Variants in ZAP70 observed in about 807,000 individuals in gnomAD.
ZAP70 encodes the protein zeta chain of T cell receptor associated protein kinase 70, also known as tyrosine-protein kinase ZAP-70.
In ZAP70, 27 loss-of-function variants were observed where a neutral mutation model predicts 65.8. The observed-to-expected ratio is 0.41, with a 90% CI of 0.30 to 0.57. The LOEUF (loss-of-function observed/expected upper bound fraction) is 0.57, where lower values mean the gene tolerates loss of function less well. ZAP70 is among the 20% of genes least tolerant of loss of function. ZAP70 has a pLI of 0.28. For synonymous variants in ZAP70, 363 were observed against 360.8 expected (o/e 1.01, Z -0.07); for missense variants, 696 against 870.5 (o/e 0.80, Z 2.52).
At chr2:97,747,170 CAT>C in the ZAP70 span, among the ~76,000 whole-genome samples, 1 of 152,198 alleles carries the variant, frequency 6.6e-6, no homozygotes, top group Non-Finnish European at 1.5e-5. Context: ...AAAATTTAAA[CAT>C]AGATTAACCA....
At chr2:97,752,685 C>T in the ZAP70 span, among the ~76,000 whole-genome samples, 1 of 152,238 alleles carries the variant, frequency 6.6e-6, no homozygotes, top group Non-Finnish European at 1.5e-5. Flanking sequence ...TGTTATCCAA[C>T]TTCTACAGGC....
At chr2:97,735,504 A>G in intron 10 of ZAP70, 48 bp downstream of exon 10, 1 of 1,580,486 alleles carries the variant, frequency 6.3e-7, no homozygotes. Context: ...GCCGGGGCCC[A>G]TCCTGGGCAT....
At chr2:97,719,426 G>A (rs1268063515) in intron 2 of ZAP70, among the ~76,000 whole-genome samples, 3 of 151,826 alleles carry the variant, frequency 2.0e-5, no homozygotes, top group Non-Finnish European at 1.5e-5. Context: ...AGAGGTCTGT[G>A]GGGCTCAAGC....
At chr2:97,750,104 C>A in the ZAP70 span, among the ~76,000 whole-genome samples, 7 of 152,340 alleles carry the variant, frequency 4.6e-5, no homozygotes, top group East Asian at 1.3e-3. Context: ...CTGAGAGGGG[C>A]AGAGTGTGCC....
rs148146979 is a variant in ZAP70, at chr2:97,727,693, T to C, written c.563+2441T>C. 3.6e-3 allele frequency among the ~76,000 whole-genome samples: 548 copies of C among 152,344 alleles called. 1 individual carries two copies. The highest frequency in any genetic ancestry group is 6.3e-3 in the Non-Finnish European group (430 of 68,014). ...TTCTCTTTCATAAAATGTAAATTCA[T>C]CTGTCTTCTTTGATTTTATAATCTG... On this transcript the variant is annotated intron_variant, in intron 4 of 13. Transcript: ENST00000264972.
At chr2:97,724,902 G>T in intron 3 of ZAP70, 190 bp from the exon 4 acceptor site, 2 of 1,533,552 alleles carry the variant, frequency 1.3e-6, no homozygotes, top group Non-Finnish European at 1.7e-6. Flanking sequence ...AGGTGGGGGT[G>T]GTTCCTCCCT....
chr2:97,734,954 G>A, intron 9 of ZAP70: 1 of 670,380 alleles, frequency 1.5e-6, no homozygotes, highest in Non-Finnish European at 2.5e-6. Flanking sequence ...CAGGGGAGCT[G>A]CAGTGGGGTC....
rs563518982 is a variant in ZAP70 at position 97,723,423 on chromosome 2, C to T, written c.-21-593C>T. Among the ~76,000 whole-genome samples the T allele has an allele frequency of 2.6e-4, 40 of 152,294 alleles. 1 individual carries two copies. Among genetic ancestry groups the T allele is most frequent in the Admixed American group, 1.4e-3 (21 of 15,300 alleles). On this transcript the variant is annotated intron_variant, in intron 2 of 13. Coordinates refer to ENST00000264972, the MANE Select transcript of ZAP70 (RefSeq NM_001079.4). ...AGTCCTCTCTGCCTGATGCGCTGTC[C>T]CGCGCGCTTTTTGAAAAGTTGGCTC...
chr2:97,714,294 G>A (rs55921238), intron 2 of ZAP70, among the ~76,000 whole-genome samples: 4 of 152,170 alleles, frequency 2.6e-5, no homozygotes, highest in Non-Finnish European at 5.9e-5. Flanking sequence ...CTTGGCTCTC[G>A]GAGGCAGAGA....
chr2:97,742,178 CTT>C (rs1678147843), downstream of ZAP70, among the ~76,000 whole-genome samples: 3 of 152,196 alleles, frequency 2.0e-5, no homozygotes, highest in Admixed American at 1.3e-4. Flanking sequence ...GTAACATCCT[CTT>C]TGTTTCATAT....
At chr2:97,744,716 G>C (rs553063524), downstream of ZAP70, among the ~76,000 whole-genome samples, 70 of 152,310 alleles carry the variant, frequency 4.6e-4, no homozygotes, top group African/African-American at 1.7e-3. Context: ...AGGTGACACA[G>C]CTGCAAAGTC....
At chr2:97,728,346 G>C (rs754553952) in intron 4 of ZAP70, among the ~76,000 whole-genome samples, 1 of 152,258 alleles carries the variant, frequency 6.6e-6, no homozygotes, top group Admixed American at 6.5e-5. Flanking sequence ...GTGGCTGGCA[G>C]TGAGGTCCAC....
chr2:97,743,461 G>A (rs1678178185), downstream of ZAP70, among the ~76,000 whole-genome samples: 1 of 152,178 alleles, frequency 6.6e-6, no homozygotes, highest in African/African-American at 2.4e-5. Context: ...TCAGCCTCCT[G>A]AGTAGCTGGG....
At chr2:97,714,973 C>T (rs1274910900) in intron 2 of ZAP70, among the ~76,000 whole-genome samples, 1 of 152,188 alleles carries the variant, frequency 6.6e-6, no homozygotes, top group Non-Finnish European at 1.5e-5. Flanking sequence ...CACCGCATCT[C>T]TCTGTGCTTC....
chr2:97,747,128 G>C, the ZAP70 span, among the ~76,000 whole-genome samples: 1 of 152,208 alleles, frequency 6.6e-6, no homozygotes, highest in Non-Finnish European at 1.5e-5. Context: ...ACAAAGTGCA[G>C]CTGCTTTGTA....
the ZAP70 span, among the ~76,000 whole-genome samples, chr2:97,745,352 A>T: frequency 2.6e-5 from 4 of 152,224 alleles, no homozygotes; most frequent in African/African-American, 9.6e-5. Context: ...AAACCTTTTA[A>T]TTTTTAAATT....
chr2:97,734,453 G>T, intron 8 of ZAP70, 67 bp from the exon 9 acceptor site: 4 of 1,528,846 alleles, frequency 2.6e-6, no homozygotes, highest in Non-Finnish European at 3.5e-6. Context: ...TGCTTGTGGG[G>T]GCTGAGGCTG....
At chr2:97,738,754 CAGAT>C (rs1212163979) in intron 13 of ZAP70, among the ~76,000 whole-genome samples, 1 of 152,080 alleles carries the variant, frequency 6.6e-6, no homozygotes, top group Non-Finnish European at 1.5e-5. Context: ...AGCAGCCCAA[CAGAT>C]AGACACCCTC....
downstream of ZAP70, among the ~76,000 whole-genome samples, chr2:97,743,242 C>T (rs551702101): frequency 3.1e-4 from 47 of 152,352 alleles, 1 homozygote; most frequent in East Asian, 3.7e-3. Context: ...TCTCCACTTC[C>T]GCTTCTGTGG....
Sources: allele counts gnomAD v4.1 joint callset (sites outside exome capture counted in the v4.1 genomes callset), GRCh38; gene constraint gnomAD v4.1.1; transcripts MANE v1.5; gene names NCBI Gene and HGNC (gene_info 2026-07-23, HGNC 2026-07-21).